Variants in CSMD3 observed in about 807,000 individuals in gnomAD.
CSMD3 encodes CUB and sushi domain-containing protein 3.
A neutral mutation model predicts 435.2 loss-of-function variants in CSMD3; 177 were observed. The ratio of observed to expected loss-of-function variants is 0.41; its 90% CI spans 0.36 to 0.46. The LOEUF (loss-of-function observed/expected upper bound fraction) is 0.46, where lower values mean the gene tolerates loss of function less well. CSMD3 is among the 20% of genes least tolerant of loss of function. The pLI is 0.34. For missense variants in CSMD3, 4,265 were observed against 4,504.6 expected, an observed-to-expected ratio of 0.95 and a Z score of 1.52; for synonymous variants, 1,656 against 1,520.5, an observed-to-expected ratio of 1.09 and a Z score of -2.07.
At chr8:113,405,394 G>C (rs1002263185) in intron 1 of CSMD3, among the ~76,000 whole-genome samples, 1 of 151,522 alleles carries the variant, frequency 6.6e-6, no homozygotes, top group African/African-American at 2.4e-5. Flanking sequence ...GAATCATAAT[G>C]TCTATCAGCC....
At position 113,225,439 on chromosome 8, in the gene CSMD3, T is replaced by C. The variant is rs1169652449; in HGVS notation, c.515-51523A>G. Among the ~76,000 whole-genome samples, 28 of 151,526 alleles carry C rather than the reference T, an allele frequency of 1.8e-4. No individual in the cohort carries two copies. In the Admixed American group the frequency reaches 1.9e-3, roughly 10 times the overall value. ...TCAGTGAGAATTTATCTGAATATGT[T>C]AAGAAGCCAGAGCAGTTTAGCTTTT... On this transcript the variant is annotated intron_variant, in intron 3 of 70. Transcript: ENST00000297405.
intron 1 of CSMD3, among the ~76,000 whole-genome samples, chr8:113,422,663 A>G (rs2094614171): frequency 6.6e-6 from 1 of 152,118 alleles, no homozygotes; most frequent in South Asian, 2.1e-4. Context: ...TAGATGTGAA[A>G]GACGAAAACA....
chr8:112,587,271 T>G lies in CSMD3; in HGVS notation c.3716-36A>C, dbSNP rs147304987. On this transcript the variant is annotated intron_variant, in intron 22 of 70. Coordinates refer to ENST00000297405, the MANE Select transcript of CSMD3 (RefSeq NM_198123.2). The stretch of plus-strand genomic sequence containing the variant: ...AACAGAATATTGAAGTACAGTTTAA[T>G]AGATAGCAGTATCATTTTCAAGCAA... 75 of 1,446,938 alleles carry G rather than the reference T, an allele frequency of 5.2e-5. No individual in the cohort carries two copies. In the African/African-American group the frequency reaches 8.5e-4, roughly 16 times the overall value. The allele number at this position is 1,446,938 out of a possible 1,614,324, so 89.6% of individuals were successfully genotyped here.
chr8:112,758,611 A>G (rs911557229), intron 13 of CSMD3, among the ~76,000 whole-genome samples: 1 of 152,170 alleles, frequency 6.6e-6, no homozygotes, highest in African/African-American at 2.4e-5. Flanking sequence ...GTAAAATATA[A>G]GCTTTGTGGT....
At chr8:112,364,818 T>C (rs1827605905) in intron 38 of CSMD3, among the ~76,000 whole-genome samples, 1 of 152,040 alleles carries the variant, frequency 6.6e-6, no homozygotes, top group Admixed American at 6.6e-5. Context: ...GGAGCAAATA[T>C]ATTTGAAAAA....
chr8:112,506,099 CATT>C (rs1044700356), intron 29 of CSMD3, among the ~76,000 whole-genome samples: 47 of 152,034 alleles, frequency 3.1e-4, no homozygotes, highest in African/African-American at 1.1e-3. Flanking sequence ...CTAAAATTAT[CATT>C]GTTGTTGCTT....
intron 44 of CSMD3, 137 bp from the exon 45 acceptor site, chr8:112,335,611 A>C: frequency 1.3e-6 from 1 of 755,840 alleles, no homozygotes; most frequent in Non-Finnish European, 2.3e-6. Context: ...CTAACCAATG[A>C]GTACAAATTA....
At chr8:112,390,134 A>T (rs139656937) in intron 36 of CSMD3, among the ~76,000 whole-genome samples, 2 of 152,350 alleles carry the variant, frequency 1.3e-5, no homozygotes, top group African/African-American at 4.8e-5. Flanking sequence ...TGGAACGGAT[A>T]TGATTGCAAT....
chr8:113,247,353 G>T (rs995720944), intron 3 of CSMD3, among the ~76,000 whole-genome samples: 3 of 152,034 alleles, frequency 2.0e-5, no homozygotes, highest in Non-Finnish European at 4.4e-5. Flanking sequence ...TCTGAGGATG[G>T]GCCTTTTTGA....
chr8:112,787,003 G>T (rs1050340414), intron 13 of CSMD3, among the ~76,000 whole-genome samples: 2 of 152,054 alleles, frequency 1.3e-5, no homozygotes, highest in African/African-American at 2.4e-5. Flanking sequence ...CTGTTCCTGT[G>T]TTAGTTGGCT....
chr8:113,157,619 G>A (rs2091959141), intron 4 of CSMD3, among the ~76,000 whole-genome samples: 1 of 151,996 alleles, frequency 6.6e-6, no homozygotes, highest in African/African-American at 2.4e-5. Flanking sequence ...AAATCCACTG[G>A]ACATTGATAG....
rs192409943 is a variant in CSMD3, at chr8:112,913,203, T to C, written c.1633+8424A>G. ...CACCAGGGACTGGTTTGGTGGAAGA[T>C]AATTATTCCATGGACTCGGGGGAGG... On this transcript the variant is annotated intron_variant, in intron 10 of 70. Transcript: ENST00000297405. Among the ~76,000 whole-genome samples the C allele has an allele frequency of 1.5e-4, 23 of 152,068 alleles. No individual in the cohort carries two copies. In the East Asian group the frequency reaches 4.5e-3, roughly 30 times the overall value.
chr8:112,494,527 CT>C (rs1202687034), intron 30 of CSMD3, among the ~76,000 whole-genome samples: 2 of 115,874 alleles, frequency 1.7e-5, no homozygotes, highest in Non-Finnish European at 3.7e-5. Context: ...TTCTTTCTTT[CT>C]TTCTTTCTTT....
chr8:112,713,632 A>T lies in CSMD3; in HGVS notation c.1973-23582T>A, dbSNP rs115788054. ...CCCAAGATACACAATCAGATTCTCC[A>T]AGGTTGAAATAAAGGAAAAAATGTT... On this transcript the variant is annotated intron_variant, in intron 13 of 70. Coordinates refer to ENST00000297405, the MANE Select transcript of CSMD3 (RefSeq NM_198123.2). Among the ~76,000 whole-genome samples, 729 of 152,270 alleles carry T rather than the reference A, an allele frequency of 4.8e-3. 10 individuals carry two copies. Among genetic ancestry groups the T allele is most frequent in the African/African-American group, 0.017 (704 of 41,576 alleles).
chr8:112,450,096 T>C (rs1012384103), intron 32 of CSMD3, among the ~76,000 whole-genome samples: 6 of 152,266 alleles, frequency 3.9e-5, no homozygotes, highest in Non-Finnish European at 7.4e-5. Flanking sequence ...ATTCTGGGCA[T>C]TTGTGTTTAA....
intron 6 of CSMD3, among the ~76,000 whole-genome samples, chr8:113,004,665 T>C (rs993012065): frequency 6.6e-6 from 1 of 151,904 alleles, no homozygotes; most frequent in Admixed American, 6.6e-5. Context: ...ATCAATAGTC[T>C]AACACAATGA....
intron 59 of CSMD3, among the ~76,000 whole-genome samples, chr8:112,274,291 T>G (rs1346058181): frequency 6.6e-6 from 1 of 151,780 alleles, no homozygotes; most frequent in East Asian, 1.9e-4. Flanking sequence ...GATTCTTGAG[T>G]GACAGGAAAC....
Position 112,224,923 on chromosome 8 carries a change from G to A in CSMD3, c.10972C>T (p.Pro3658Ser). The change falls in exon 71 of 71, where the codon CCT becomes TCT. Residue 3658 changes from proline (P) to serine (S), a missense_variant. Physicochemically the swap from Pro to Ser is moderately conservative, Grantham distance 74. Transcript: ENST00000297405. ...GFYLYKQRTA[P>S]KTQYTGCSVH... ...GAACATCCTGTATACTGTGTTTTAG[G>A]TGCAGTCCTGTTGATGAGAACATTG... 4 of 1,613,884 alleles carry A rather than the reference G, an allele frequency of 2.5e-6. No individual in the cohort carries two copies. Among genetic ancestry groups the A allele is most frequent in the Non-Finnish European group, 3.4e-6 (4 of 1,179,852 alleles).
intron 13 of CSMD3, among the ~76,000 whole-genome samples, chr8:112,798,676 C>A (rs1470825922): frequency 6.6e-6 from 1 of 151,850 alleles, no homozygotes; most frequent in African/African-American, 2.4e-5. Context: ...ATCGATAGAA[C>A]TCCCTGTTGC....
Sources: gnomAD v4.1 joint callset for allele counts (sites outside exome capture counted in the v4.1 genomes callset) on GRCh38, gnomAD v4.1.1 for gene constraint, MANE v1.5 for transcripts, NCBI Gene and HGNC (gene_info 2026-07-23, HGNC 2026-07-21) for gene names.